CSMD1: variants seen among roughly 807,000 people sequenced by gnomAD.
CSMD1 encodes the protein CUB and sushi domain-containing protein 1.
Under a neutral mutation model 417.5 loss-of-function variants are expected in CSMD1, and 213 were observed. The observed-to-expected ratio is 0.51, with a 90% CI of 0.46 to 0.57. CSMD1 has a LOEUF of 0.57. CSMD1 is among the 20% of genes least tolerant of loss of function. CSMD1 has a pLI of 0.00. For missense variants in CSMD1, 6,923 were observed against 4,529.7 expected (o/e 1.53, Z -15.17); for synonymous variants, 2,862 against 1,736.8 (o/e 1.65, Z -16.11).
chr8:3,359,729 A>T (rs1410197567), intron 20 of CSMD1, among the ~76,000 whole-genome samples: 1 of 152,178 alleles, frequency 6.6e-6, no homozygotes, highest in Non-Finnish European at 1.5e-5. Context: ...ACATTTCAAA[A>T]TAGCTCAAAG....
At chr8:4,576,145 A>G (rs58568221) in intron 2 of CSMD1, among the ~76,000 whole-genome samples, 1 of 152,216 alleles carries the variant, frequency 6.6e-6, no homozygotes, top group African/African-American at 2.4e-5. Context: ...ATAATTGCAG[A>G]AAGTATGCAG....
At chr8:3,586,959 C>T (rs1024809048) in intron 8 of CSMD1, among the ~76,000 whole-genome samples, 3 of 152,032 alleles carry the variant, frequency 2.0e-5, no homozygotes, top group Admixed American at 6.6e-5. Context: ...ACAACTAGGC[C>T]CGGCTAATTT....
intron 8 of CSMD1, among the ~76,000 whole-genome samples, chr8:3,610,444 A>T (rs1263924339): frequency 2.5e-5 from 3 of 120,548 alleles, no homozygotes; most frequent in Non-Finnish European, 5.6e-5. Flanking sequence ...TCGAAGTGGG[A>T]CGATCATTTG....
intron 7 of CSMD1, among the ~76,000 whole-genome samples, chr8:3,656,682 C>G (rs1263957885): frequency 6.6e-6 from 1 of 152,170 alleles, no homozygotes; most frequent in East Asian, 1.9e-4. Context: ...AATCCCAGCA[C>G]TTTGGGAGGC....
At chr8:3,912,830 T>G (rs2129140109) in intron 5 of CSMD1, among the ~76,000 whole-genome samples, 1 of 152,256 alleles carries the variant, frequency 6.6e-6, no homozygotes, top group East Asian at 1.9e-4. Context: ...ATGATTTAAA[T>G]TATATTCTGT....
At chr8:3,438,389 C>A (rs1478353357) in intron 12 of CSMD1, among the ~76,000 whole-genome samples, 2 of 152,146 alleles carry the variant, frequency 1.3e-5, no homozygotes, top group Non-Finnish European at 1.5e-5. Flanking sequence ...ACAGACATCC[C>A]TCCCGTTGAC....
At chr8:3,379,060 A>C (rs1157562813) in intron 18 of CSMD1, among the ~76,000 whole-genome samples, 1 of 152,246 alleles carries the variant, frequency 6.6e-6, no homozygotes, top group Non-Finnish European at 1.5e-5. Flanking sequence ...CTCAGGATAC[A>C]ATATCAATGT....
At chr8:4,644,447 AC>A (rs1803389708) in intron 1 of CSMD1, among the ~76,000 whole-genome samples, 1 of 152,084 alleles carries the variant, frequency 6.6e-6, no homozygotes, top group Non-Finnish European at 1.5e-5. Flanking sequence ...TCTCTCTGTC[AC>A]CAGGCTAGAG....
chr8:3,964,556 A>G (rs796367559), intron 5 of CSMD1, among the ~76,000 whole-genome samples: 12 of 152,320 alleles, frequency 7.9e-5, no homozygotes, highest in South Asian at 6.2e-4. Flanking sequence ...AAATAAATAC[A>G]CTGGAGAAGT....
chr8:3,320,133 G>A (rs1253256589), intron 23 of CSMD1, among the ~76,000 whole-genome samples: 3 of 152,192 alleles, frequency 2.0e-5, no homozygotes, highest in African/African-American at 7.2e-5. Context: ...AGGCAGGTTT[G>A]TCTGTGCTGT....
chr8:4,984,471 C>T (rs565819611), intron 1 of CSMD1, among the ~76,000 whole-genome samples: 3 of 152,146 alleles, frequency 2.0e-5, no homozygotes, highest in Admixed American at 6.5e-5. Context: ...GTTTATAGGA[C>T]CATTTACCTG....
chr8:4,540,026 T>C (rs1301269154), intron 2 of CSMD1, among the ~76,000 whole-genome samples: 1 of 152,110 alleles, frequency 6.6e-6, no homozygotes, highest in Non-Finnish European at 1.5e-5. Flanking sequence ...CCCTCCTCAC[T>C]CGCCAAGCAG....
chr8:3,917,372 G>A (rs984120247), intron 5 of CSMD1, among the ~76,000 whole-genome samples: 2 of 151,816 alleles, frequency 1.3e-5, no homozygotes, highest in East Asian at 1.9e-4. Context: ...ACACTTCACC[G>A]CACTGCTTCC....
At chr8:4,643,809 A>G (rs1803350369) in intron 1 of CSMD1, among the ~76,000 whole-genome samples, 2 of 152,342 alleles carry the variant, frequency 1.3e-5, no homozygotes, top group South Asian at 2.1e-4. Flanking sequence ...TGGAAGGACC[A>G]TGATTTAAAG....
chr8:4,364,390 T>C (rs992212478), intron 3 of CSMD1, among the ~76,000 whole-genome samples: 1 of 152,212 alleles, frequency 6.6e-6, no homozygotes. Flanking sequence ...CTGTTTACTG[T>C]TATAGCTTCC....
rs560108372 is a variant in CSMD1, at chr8:4,674,042, G to A, written c.86-36484C>T. ...GGTATGAGAAGTATATCTCAATAAAGCTATTATTAAAATTCTAAATGGAGA... is the reference window on the plus strand; with the variant it reads ...GGTATGAGAAGTATATCTCAATAAAACTATTATTAAAATTCTAAATGGAGA... On this transcript the variant is annotated intron_variant, in intron 1 of 69. Coordinates refer to ENST00000635120, the MANE Select transcript of CSMD1 (RefSeq NM_033225.6). Among the ~76,000 whole-genome samples, 26 of 152,262 alleles carry A rather than the reference G, an allele frequency of 1.7e-4. No homozygotes were observed. In the South Asian group the frequency reaches 5.2e-3, roughly 30 times the overall value.
chr8:4,113,915 C>T (rs922755128), intron 3 of CSMD1, among the ~76,000 whole-genome samples: 70 of 152,300 alleles, frequency 4.6e-4, no homozygotes, highest in Non-Finnish European at 1.6e-4. Flanking sequence ...CCGAAGCCAG[C>T]AGAGACTGGT....
chr8:4,601,604 G>T (rs898862401), intron 2 of CSMD1, among the ~76,000 whole-genome samples: 1 of 152,158 alleles, frequency 6.6e-6, no homozygotes, highest in Non-Finnish European at 1.5e-5. Flanking sequence ...GTACTTTCCT[G>T]CCAGCCTTCA....
intron 8 of CSMD1, among the ~76,000 whole-genome samples, chr8:3,603,113 T>C (rs770145262): frequency 1.3e-5 from 2 of 152,174 alleles, no homozygotes; most frequent in Non-Finnish European, 2.9e-5. Context: ...CAAAGGGACA[T>C]AAAGGCTTCA....
Sources: gnomAD v4.1 joint callset for allele counts (sites outside exome capture counted in the v4.1 genomes callset) on GRCh38, gnomAD v4.1.1 for gene constraint, MANE v1.5 for transcripts, NCBI Gene and HGNC (gene_info 2026-07-23, HGNC 2026-07-21) for gene names.